Variants in TAF2 observed in about 807,000 individuals in gnomAD.
TAF2 encodes the protein transcription initiation factor TFIID subunit 2.
In TAF2, 61 loss-of-function variants were observed where a neutral mutation model predicts 138.5. The ratio of observed to expected loss-of-function variants is 0.44; its 90% confidence interval spans 0.36 to 0.54. The LOEUF (loss-of-function observed/expected upper bound fraction) is 0.54, where lower values mean the gene tolerates loss of function less well. Among genes scored for constraint, TAF2 ranks in the 20% least tolerant of loss-of-function variants. The probability of loss-of-function intolerance (pLI) is 0.00; values close to 1 mark genes in which losing one functional copy is unlikely to be tolerated. For missense variants in TAF2, 1,090 were observed against 1,427.9 expected (o/e 0.76, Z 3.81); for synonymous variants, 475 against 469.9 (o/e 1.01, Z -0.14).
Position 119,740,085 on chromosome 8 carries a change from G to A in TAF2, c.3337+2449C>T, listed in dbSNP as rs114570803. On this transcript the variant is annotated intron_variant, in intron 25 of 25. Coordinates refer to ENST00000378164, the MANE Select transcript of TAF2 (RefSeq NM_003184.4). The stretch of plus-strand genomic sequence containing the variant: ...CCAGTGCTGTCTCCCTCCTAAACCC[G>A]CAACTCTCAACCCCAAGAAAGGTGG... Among the ~76,000 whole-genome samples, 1,390 of 152,056 alleles carry A rather than the reference G, an allele frequency of 9.1e-3. 20 individuals carry two copies. The highest frequency in any genetic ancestry group is 0.032 in the African/African-American group (1,326 of 41,468).
intron 5 of TAF2, among the ~76,000 whole-genome samples, chr8:119,802,916 T>C (rs1352790883): frequency 6.6e-6 from 1 of 151,934 alleles, no homozygotes; most frequent in Non-Finnish European, 1.5e-5. Context: ...ACAGGCTATC[T>C]CTACTAAAGA....
intron 2 of TAF2, among the ~76,000 whole-genome samples, chr8:119,824,420 C>G (rs1446874624): frequency 7.7e-6 from 1 of 130,554 alleles, no homozygotes; most frequent in Non-Finnish European, 1.6e-5. Context: ...CAGAGTGAGA[C>G]TCCGTCTCAA....
intron 18 of TAF2, among the ~76,000 whole-genome samples, chr8:119,771,971 T>C (rs1394419657): frequency 2.0e-5 from 3 of 151,966 alleles, no homozygotes; most frequent in Non-Finnish European, 4.4e-5. Flanking sequence ...TTAAAAAAAA[T>C]CAAAAATATC....
intron 3 of TAF2, among the ~76,000 whole-genome samples, chr8:119,817,636 A>T (rs1324671012): frequency 6.6e-6 from 1 of 152,238 alleles, no homozygotes; most frequent in Non-Finnish European, 1.5e-5. Context: ...CTGTCATTAC[A>T]CTTAACAGAT....
intron 2 of TAF2, among the ~76,000 whole-genome samples, chr8:119,823,773 G>A (rs1400043948): frequency 1.3e-5 from 2 of 152,190 alleles, no homozygotes; most frequent in Non-Finnish European, 2.9e-5. Context: ...CAGAAGACAG[G>A]AAAATGCGGG....
At chr8:119,738,460 T>TA (rs1200800958) in intron 25 of TAF2, among the ~76,000 whole-genome samples, 1 of 152,186 alleles carries the variant, frequency 6.6e-6, no homozygotes, top group East Asian at 1.9e-4. Flanking sequence ...TTTAGGCTAA[T>TA]AAAAGTCCTT....
intron 4 of TAF2, 92 bp downstream of exon 4, chr8:119,806,191 A>G: frequency 9.3e-7 from 1 of 1,078,196 alleles, no homozygotes; most frequent in Non-Finnish European, 1.4e-6. Context: ...CATGAGGCAC[A>G]GTGCCTGCAT....
intron 18 of TAF2, among the ~76,000 whole-genome samples, chr8:119,771,399 C>A (rs1166372234): frequency 6.6e-6 from 1 of 151,944 alleles, no homozygotes; most frequent in Non-Finnish European, 1.5e-5. Flanking sequence ...CCACACCTGG[C>A]TAATTTTTGT....
chr8:119,759,124 GGAGA>G (rs1820890383), intron 20 of TAF2, among the ~76,000 whole-genome samples: 1 of 151,978 alleles, frequency 6.6e-6, no homozygotes, highest in Non-Finnish European at 1.5e-5. Context: ...AAACAGAAAT[GGAGA>G]GAGATATAGG....
chr8:119,779,165 A>G (rs1211014120), intron 17 of TAF2, among the ~76,000 whole-genome samples: 1 of 151,994 alleles, frequency 6.6e-6, no homozygotes, highest in South Asian at 2.1e-4. Flanking sequence ...ATTATCAGAA[A>G]GGTGAATTGG....
rs1166286661 is a variant in TAF2 at position 119,789,419 on chromosome 8, T to C, written c.1568+173A>G. On this transcript the variant is annotated intron_variant, in intron 12 of 25. Transcript: ENST00000378164. ...CATGTGTGTGCACCTTAATGTCTAGTAGGCATCTTAGATGAAACAATTCAC... is the reference window on the plus strand; with the variant it reads ...CATGTGTGTGCACCTTAATGTCTAGCAGGCATCTTAGATGAAACAATTCAC... Among the ~76,000 whole-genome samples the C allele has an allele frequency of 2.0e-5, 3 of 152,160 alleles. No individual in the cohort carries two copies. In the East Asian group the frequency reaches 5.8e-4, roughly 29 times the overall value.
chr8:119,736,333 C>A (rs769333612), intron 25 of TAF2, among the ~76,000 whole-genome samples: 73 of 152,142 alleles, frequency 4.8e-4, no homozygotes, highest in Non-Finnish European at 9.6e-4. Flanking sequence ...AGTTAGAAAC[C>A]AGGGCTCCTA....
chr8:119,732,220 CTGA>C (rs1260745151), intron 25 of TAF2, 34 bp from the exon 26 acceptor site: 2 of 1,598,800 alleles, frequency 1.3e-6, no homozygotes, highest in Non-Finnish European at 8.6e-7. Context: ...TGAATTCCTG[CTGA>C]TGATACGGAA....
intron 6 of TAF2, 32 bp from the exon 7 acceptor site, chr8:119,797,878 A>T: frequency 6.2e-7 from 1 of 1,606,120 alleles, no homozygotes; most frequent in Non-Finnish European, 8.5e-7. Context: ...GATCATCTAA[A>T]TGAAAGAGTT....
intron 25 of TAF2, among the ~76,000 whole-genome samples, chr8:119,739,942 T>C (rs1453378872): frequency 6.6e-6 from 1 of 152,070 alleles, no homozygotes; most frequent in African/African-American, 2.4e-5. Context: ...TCAAAAACTT[T>C]TGTGAGACTT....
At chr8:119,756,293 C>G (rs994015724) in intron 21 of TAF2, among the ~76,000 whole-genome samples, 178 bp from the exon 22 acceptor site, 1 of 152,014 alleles carries the variant, frequency 6.6e-6, no homozygotes, top group African/African-American at 2.4e-5. Context: ...GATGTTATAT[C>G]CTGAATATTT....
At chr8:119,775,874 A>G (rs1167739481) in intron 18 of TAF2, among the ~76,000 whole-genome samples, 1 of 152,208 alleles carries the variant, frequency 6.6e-6, no homozygotes, top group Non-Finnish European at 1.5e-5. Flanking sequence ...CTATCTATTG[A>G]GTGAAATAAA....
chr8:119,781,252 A>G, intron 16 of TAF2, 59 bp from the exon 17 acceptor site: 3 of 1,596,528 alleles, frequency 1.9e-6, no homozygotes, highest in East Asian at 2.2e-5. Flanking sequence ...ACTTTAAAAT[A>G]AAACAGCTTC....
intron 22 of TAF2, among the ~76,000 whole-genome samples, chr8:119,750,233 C>T (rs776336683): frequency 2.6e-5 from 4 of 152,158 alleles, no homozygotes; most frequent in East Asian, 3.9e-4. Flanking sequence ...CCCAGCTACT[C>T]GGGAGGCTGA....
Sources: allele counts gnomAD v4.1 joint callset (sites outside exome capture counted in the v4.1 genomes callset), GRCh38; gene constraint gnomAD v4.1.1; transcripts MANE v1.5; gene names NCBI Gene and HGNC (gene_info 2026-07-23, HGNC 2026-07-21).